ZBTB46: variants seen among roughly 807,000 people sequenced by gnomAD.
ZBTB46 encodes zinc finger and BTB domain-containing protein 46.
Under a neutral mutation model 44.1 loss-of-function variants are expected in ZBTB46, and 8 were observed. The observed-to-expected ratio is 0.18, with a 90% confidence interval of 0.11 to 0.33. The LOEUF (loss-of-function observed/expected upper bound fraction) is 0.33. Among genes scored for constraint, ZBTB46 ranks in the 10% least tolerant of loss-of-function variants. The probability of loss-of-function intolerance (pLI) is 1.00; values close to 1 mark genes in which losing one functional copy is unlikely to be tolerated. For missense variants in ZBTB46, 651 were observed against 847.7 expected (o/e 0.77, Z 2.88); for synonymous variants, 409 against 382.3 (o/e 1.07, Z -0.81).
chr20:63,798,689 A>AAAAAAAAAAAG (rs2092621943), intron 1 of ZBTB46, among the ~76,000 whole-genome samples: 1 of 141,194 alleles, frequency 7.1e-6, no homozygotes, highest in African/African-American at 2.6e-5. Context: ...AAAAAAAAAA[A>AAAAAAAAAAAG]AAAATTAGCT....
chr20:63,749,862 C>G (rs2092144233), intron 4 of ZBTB46, among the ~76,000 whole-genome samples: 1 of 152,222 alleles, frequency 6.6e-6, no homozygotes, highest in Non-Finnish European at 1.5e-5. Flanking sequence ...GACCATGTGG[C>G]CAGGGCTGGA....
At chr20:63,821,689 C>T (rs554786969) in intron 1 of ZBTB46, among the ~76,000 whole-genome samples, 2 of 152,112 alleles carry the variant, frequency 1.3e-5, no homozygotes, top group African/African-American at 2.4e-5. Flanking sequence ...CTCAGGTGAT[C>T]TGCCCACCTC....
rs575746334 is a variant in ZBTB46, at chr20:63,753,296, CTG to C, written c.1223-437_1223-436del. ...CCTGGAGGCAGAGAAGAAACAAACA[CTG>C]TGGAGTAATACGGACCCAAAAGTGT... On this transcript the variant is annotated intron_variant, in intron 3 of 4. Transcript: ENST00000245663. 2.0e-5 allele frequency among the ~76,000 whole-genome samples: 3 copies of C among 152,318 alleles called. No homozygotes were observed. The East Asian group carries it at 5.8e-4, about 29-fold the overall frequency.
chr20:63,756,065 T>C (rs1283105421), intron 3 of ZBTB46, among the ~76,000 whole-genome samples: 2 of 152,230 alleles, frequency 1.3e-5, no homozygotes, highest in Non-Finnish European at 2.9e-5. Context: ...CAGTCATTCG[T>C]GCCGGACTGG....
chr20:63,760,204 G>A (rs184357772), intron 3 of ZBTB46, among the ~76,000 whole-genome samples: 114 of 152,222 alleles, frequency 7.5e-4, no homozygotes, highest in South Asian at 2.5e-3. Context: ...ATTTTCTTCC[G>A]TTAAAATTGG....
intron 1 of ZBTB46, among the ~76,000 whole-genome samples, chr20:63,825,395 C>T (rs1164246801): frequency 5.2e-5 from 7 of 135,454 alleles, no homozygotes; most frequent in African/African-American, 1.7e-4. Context: ...AACAAGACTC[C>T]GTCTCAAAAA....
Position 63,746,998 on chromosome 20 carries a change from C to T in ZBTB46, c.1702G>A (p.Glu568Lys), listed in dbSNP as rs2092096581. 1.9e-6 allele frequency: 3 copies of T among 1,607,522 alleles called. No individual in the cohort carries two copies. Among genetic ancestry groups the T allele is most frequent in the Admixed American group, 1.7e-5 (1 of 59,954 alleles). Residue 568 changes from glutamate (E) to lysine (K), a missense_variant, in exon 5 of 5, where the codon GAG (glutamate) becomes AAG (lysine). Physicochemically the swap from Glu to Lys is moderately conservative, Grantham distance 56 (BLOSUM62 1). Around this residue, in one of 5 missense-constraint regions of ZBTB46, gnomAD observed 106 missense variants for 81.0 expected, o/e 1.31. Transcript: ENST00000245663. ...CTGCGCGGCCGCGGCGAGTCTTCCT[C>T]ATCCTTGTCGTCCGCCAACAGCGCA... ...EDALLADDKD[E>K]EDSPRPRSPP...
intron 1 of ZBTB46, among the ~76,000 whole-genome samples, 160 bp downstream of exon 1, chr20:63,830,937 C>T (rs1370574116): frequency 1.2e-4 from 17 of 142,034 alleles, no homozygotes; most frequent in Non-Finnish European, 2.5e-4. Flanking sequence ...CCGATGGCCC[C>T]CGGGAGGGCG....
chr20:63,769,424 CGCACCA>C, intron 3 of ZBTB46: 1 of 985,416 alleles, frequency 1.0e-6, no homozygotes, highest in Non-Finnish European at 1.2e-6. Flanking sequence ...CACAGGAACG[CGCACCA>C]GCTGCTGGGT....
intron 2 of ZBTB46, among the ~76,000 whole-genome samples, chr20:63,789,097 G>A (rs1190451270): frequency 2.6e-5 from 4 of 151,088 alleles, no homozygotes; most frequent in East Asian, 2.0e-4. Flanking sequence ...GATTACAGGC[G>A]TGAGCCACCA....
intron 1 of ZBTB46, among the ~76,000 whole-genome samples, chr20:63,796,266 C>A (rs929390069): frequency 1.3e-5 from 2 of 152,240 alleles, no homozygotes; most frequent in South Asian, 2.1e-4. Flanking sequence ...ATCCACCGGA[C>A]GCCCGATCCG....
intron 2 of ZBTB46, among the ~76,000 whole-genome samples, chr20:63,780,561 C>T (rs1408226008): frequency 2.0e-5 from 3 of 151,582 alleles, no homozygotes; most frequent in Non-Finnish European, 4.4e-5. Flanking sequence ...CCAGCACTCT[C>T]GGAGGCTGAG....
chr20:63,820,006 A>G (rs2092782220), intron 1 of ZBTB46, among the ~76,000 whole-genome samples: 1 of 152,258 alleles, frequency 6.6e-6, no homozygotes, highest in Admixed American at 6.5e-5. Flanking sequence ...CCATTTCCTC[A>G]GGCAAAAACA....
Position 63,802,637 on chromosome 20 carries a change from C to T in ZBTB46, c.-33-11847G>A, listed in dbSNP as rs375906256. 1.4e-3 allele frequency among the ~76,000 whole-genome samples: 199 copies of T among 146,118 alleles called. 2 individuals carry two copies. The South Asian group carries it at 0.043, about 32-fold the overall frequency. ...ACCCCCAGCACCCTCCCAGGAACCG[C>T]GGTGGGCCGACAACCGAACCTCAGA... On this transcript the variant is annotated intron_variant, in intron 1 of 4. Transcript: ENST00000245663.
intron 2 of ZBTB46, among the ~76,000 whole-genome samples, chr20:63,783,315 GCT>G (rs1389491073): frequency 4.6e-5 from 7 of 152,142 alleles, no homozygotes; most frequent in African/African-American, 1.7e-4. Context: ...TGTAGTCCCA[GCT>G]ACTCGGGAGG....
chr20:63,751,492 C>T (rs536243800), intron 4 of ZBTB46, among the ~76,000 whole-genome samples: 1 of 152,282 alleles, frequency 6.6e-6, no homozygotes, highest in Non-Finnish European at 1.5e-5. Flanking sequence ...CAGGGCCCTG[C>T]ACCCCTCTAG....
intron 1 of ZBTB46, among the ~76,000 whole-genome samples, chr20:63,795,661 C>G (rs1280160665): frequency 1.3e-5 from 2 of 152,186 alleles, no homozygotes; most frequent in Non-Finnish European, 1.5e-5. Context: ...CCCATCGTGC[C>G]GTCCTGTGCT....
At chr20:63,770,500 C>G (rs1458153781) in intron 3 of ZBTB46, among the ~76,000 whole-genome samples, 1 of 152,160 alleles carries the variant, frequency 6.6e-6, no homozygotes, top group Non-Finnish European at 1.5e-5. Context: ...AATTTAACAG[C>G]CAAGCCAAGG....
At chr20:63,793,671 A>AGAG (rs1269697948) in intron 1 of ZBTB46, among the ~76,000 whole-genome samples, 279 of 152,324 alleles carry the variant, frequency 1.8e-3, no homozygotes, top group African/African-American at 6.5e-3. Flanking sequence ...TTATAGAAGC[A>AGAG]GCGGCTACCT....
Sources: allele counts gnomAD v4.1 joint callset (sites outside exome capture counted in the v4.1 genomes callset), GRCh38; gene constraint gnomAD v4.1.1; regional missense constraint gnomAD v4.1.1; transcripts MANE v1.5; gene names NCBI Gene and HGNC (gene_info 2026-07-23, HGNC 2026-07-21).